Variants in CADM1 observed in about 807,000 individuals in gnomAD.
The protein encoded by CADM1 is TSLC-1.
In CADM1, 15 loss-of-function variants were observed where a neutral mutation model predicts 53.1. That is an observed-to-expected ratio of 0.28 (90% CI 0.19 to 0.44). The LOEUF (loss-of-function observed/expected upper bound fraction) is 0.44. CADM1 is among the 20% of genes least tolerant of loss of function. CADM1 has a pLI of 1.00. For synonymous variants in CADM1, 281 were observed against 243.0 expected, an observed-to-expected ratio of 1.16 and a Z score of -1.45; for missense variants, 434 against 611.3, an observed-to-expected ratio of 0.71 and a Z score of 3.06.
intron 1 of CADM1, among the ~76,000 whole-genome samples, chr11:115,327,031 T>C (rs1222060601): frequency 2.6e-5 from 4 of 152,224 alleles, no homozygotes; most frequent in African/African-American, 9.6e-5. Flanking sequence ...ATATTCATTA[T>C]GTGTCAGGCA....
intron 1 of CADM1, among the ~76,000 whole-genome samples, chr11:115,304,450 AG>A (rs1944310733): frequency 6.6e-6 from 1 of 152,084 alleles, no homozygotes; most frequent in African/African-American, 2.4e-5. Context: ...ATTATCTTGC[AG>A]AAACAAGGAT....
At chr11:115,372,511 A>G (rs1465797712) in intron 1 of CADM1, among the ~76,000 whole-genome samples, 2 of 152,194 alleles carry the variant, frequency 1.3e-5, no homozygotes, top group African/African-American at 4.8e-5. Flanking sequence ...TCATAAATTG[A>G]GAATTTCTTT....
At chr11:115,327,965 T>A (rs940260970) in intron 1 of CADM1, among the ~76,000 whole-genome samples, 1 of 152,110 alleles carries the variant, frequency 6.6e-6, no homozygotes, top group African/African-American at 2.4e-5. Flanking sequence ...CACTCAGTAT[T>A]TTTTTCTGCT....
intron 1 of CADM1, among the ~76,000 whole-genome samples, chr11:115,429,521 C>T (rs1947985467): frequency 6.6e-6 from 1 of 150,444 alleles, no homozygotes; most frequent in Non-Finnish European, 1.5e-5. Flanking sequence ...AGGAGAATTG[C>T]TTGAGTCTGG....
intron 1 of CADM1, among the ~76,000 whole-genome samples, chr11:115,448,886 G>A (rs1311737645): frequency 2.6e-5 from 4 of 152,052 alleles, no homozygotes; most frequent in Middle Eastern, 3.2e-3. Context: ...AATGTATTAA[G>A]TTTCTACTTC....
At chr11:115,282,289 TG>T (rs1943608233) in intron 1 of CADM1, among the ~76,000 whole-genome samples, 1 of 152,178 alleles carries the variant, frequency 6.6e-6, no homozygotes, top group Non-Finnish European at 1.5e-5. Context: ...ACAGCCAAAC[TG>T]GTACCCAAGC....
intron 1 of CADM1, among the ~76,000 whole-genome samples, chr11:115,323,028 C>T (rs556594198): frequency 6.6e-6 from 1 of 152,180 alleles, no homozygotes; most frequent in African/African-American, 2.4e-5. Context: ...TCCAAATTGG[C>T]TGCACCATTT....
At chr11:115,282,539 A>T (rs565092062) in intron 1 of CADM1, among the ~76,000 whole-genome samples, 30 of 152,310 alleles carry the variant, frequency 2.0e-4, no homozygotes, top group African/African-American at 6.3e-4. Flanking sequence ...AACACTATAA[A>T]AACATAGCCC....
At chr11:115,262,634 C>T (rs1213133734) in intron 1 of CADM1, among the ~76,000 whole-genome samples, 7 of 152,116 alleles carry the variant, frequency 4.6e-5, no homozygotes, top group Non-Finnish European at 8.8e-5. Flanking sequence ...TCTGCAAAGC[C>T]GTAGTGGATG....
chr11:115,334,772 G>C (rs758199817), intron 1 of CADM1, among the ~76,000 whole-genome samples: 2 of 152,026 alleles, frequency 1.3e-5, no homozygotes, highest in Admixed American at 6.6e-5. Flanking sequence ...ATACACATTC[G>C]AGTAGTCTAT....
At chr11:115,376,800 C>T (rs1346260297) in intron 1 of CADM1, among the ~76,000 whole-genome samples, 1 of 152,060 alleles carries the variant, frequency 6.6e-6, no homozygotes, top group East Asian at 1.9e-4. Flanking sequence ...TGCCAGCCAC[C>T]GGGGATTCTG....
intron 1 of CADM1, among the ~76,000 whole-genome samples, chr11:115,320,716 A>G (rs1020296376): frequency 3.3e-5 from 5 of 151,980 alleles, no homozygotes; most frequent in African/African-American, 7.2e-5. Flanking sequence ...TTAATTAAAT[A>G]TAAGTCAGGT....
At chr11:115,295,550 A>ATATATATATATT (rs371584699) in intron 1 of CADM1, among the ~76,000 whole-genome samples, 3 of 53,004 alleles carry the variant, frequency 5.7e-5, no homozygotes, top group Non-Finnish European at 8.9e-5. Flanking sequence ...ATATATATAT[A>ATATATATATATT]ATATATATGT....
At chr11:115,275,204 C>T (rs1411146519) in intron 1 of CADM1, among the ~76,000 whole-genome samples, 1 of 152,316 alleles carries the variant, frequency 6.6e-6, no homozygotes, top group East Asian at 1.9e-4. Flanking sequence ...TCTATGCCTA[C>T]CTCCTCTCGC....
chr11:115,311,577 C>T (rs755479110), intron 1 of CADM1, among the ~76,000 whole-genome samples: 2 of 152,052 alleles, frequency 1.3e-5, no homozygotes, highest in African/African-American at 2.4e-5. Flanking sequence ...AATGGACCCA[C>T]GCAGTTCAAA....
chr11:115,406,685 G>A (rs1002976166), intron 1 of CADM1, among the ~76,000 whole-genome samples: 2 of 150,830 alleles, frequency 1.3e-5, no homozygotes, highest in East Asian at 1.9e-4. Flanking sequence ...TGTGGCTCAC[G>A]CCTCTAATCC....
chr11:115,307,232 G>C (rs1944399355), intron 1 of CADM1, among the ~76,000 whole-genome samples: 1 of 151,846 alleles, frequency 6.6e-6, no homozygotes. Flanking sequence ...AGTAAGTGTT[G>C]GCTATACTTG....
chr11:115,240,669 T>A (rs1005848379), intron 1 of CADM1: 5 of 524,044 alleles, frequency 9.5e-6, no homozygotes, highest in Non-Finnish European at 1.7e-5. Context: ...GGTTTCAGCC[T>A]CTAGTACTTT....
chr11:115,271,625 T>C (rs1468388744), intron 1 of CADM1, among the ~76,000 whole-genome samples: 2 of 152,230 alleles, frequency 1.3e-5, no homozygotes, highest in South Asian at 2.1e-4. Flanking sequence ...TATATTGCTA[T>C]ATAATATTTG....
Sources: allele counts gnomAD v4.1 joint callset (sites outside exome capture counted in the v4.1 genomes callset), GRCh38; gene constraint gnomAD v4.1.1; transcripts MANE v1.5; gene names NCBI Gene and HGNC (gene_info 2026-07-23, HGNC 2026-07-21).